The following KCNMB2 variants were observed in gnomAD, a reference collection of about 807,000 sequenced individuals.
The protein encoded by KCNMB2 is potassium calcium-activated channel subfamily M regulatory beta subunit 2.
Under a neutral mutation model 24.5 loss-of-function variants are expected in KCNMB2, and 9 were observed. The observed-to-expected ratio is 0.37, with a 90% confidence interval of 0.22 to 0.64. The LOEUF (loss-of-function observed/expected upper bound fraction) is 0.64. Among genes scored for constraint, KCNMB2 ranks in the 30% least tolerant of loss-of-function variants. The probability of loss-of-function intolerance (pLI) is 0.63; values close to 1 mark genes in which losing one functional copy is unlikely to be tolerated. For missense variants in KCNMB2, 226 were observed against 284.3 expected, an observed-to-expected ratio of 0.79 and a Z score of 1.47; for synonymous variants, 109 against 104.4, an observed-to-expected ratio of 1.04 and a Z score of -0.27.
rs28583386 is a variant in KCNMB2 at position 178,657,935 on chromosome 3, C to T, written c.-68+121224C>T. Among the ~76,000 whole-genome samples the T allele has an allele frequency of 7.1e-3, 1,086 of 152,318 alleles. 12 individuals are homozygous for T. Among genetic ancestry groups the T allele is most frequent in the African/African-American group, 0.024 (1,014 of 41,566 alleles). On this transcript the variant is annotated intron_variant, in intron 1 of 4. Coordinates refer to ENST00000452583, the MANE Select transcript of KCNMB2 (RefSeq NM_181361.3). ...AAAGAAAGCAATGCATCCTAATGAC[C>T]TAATTGCTTCTTAAATGAACCACCT...
intron 1 of KCNMB2, among the ~76,000 whole-genome samples, chr3:178,585,677 G>A (rs1415921898): frequency 6.6e-6 from 1 of 152,202 alleles, no homozygotes; most frequent in Non-Finnish European, 1.5e-5. Context: ...ACGGTGGGCT[G>A]ACTTGGGCTT....
At chr3:178,703,128 A>G (rs1248160668) in intron 1 of KCNMB2, among the ~76,000 whole-genome samples, 1 of 152,202 alleles carries the variant, frequency 6.6e-6, no homozygotes, top group Non-Finnish European at 1.5e-5. Flanking sequence ...CAGTAAATAA[A>G]CAAAAAGGAG....
intron 1 of KCNMB2, among the ~76,000 whole-genome samples, chr3:178,542,123 C>T (rs921375579): frequency 5.9e-5 from 9 of 152,214 alleles, no homozygotes; most frequent in African/African-American, 2.2e-4. Context: ...ATTGATCCAT[C>T]TGTAAGGGCG....
rs1323180176 is a variant in KCNMB2 at position 178,597,778 on chromosome 3, G to A, written c.-68+61067G>A. On this transcript the variant is annotated intron_variant, in intron 1 of 4. Transcript: ENST00000452583. ...TCCAAACTACCGTGGGTTGTGTTTG[G>A]CAAGCTTATAGGCAAGATATTTAGA... Among the ~76,000 whole-genome samples, 5 of 152,178 alleles carry A rather than the reference G, an allele frequency of 3.3e-5. No individual in the cohort carries two copies. The South Asian group carries it at 8.3e-4, about 25-fold the overall frequency.
At chr3:178,794,153 C>A (rs1033310878) in intron 1 of KCNMB2, among the ~76,000 whole-genome samples, 4 of 152,152 alleles carry the variant, frequency 2.6e-5, no homozygotes, top group Admixed American at 1.3e-4. Flanking sequence ...CAGAACACCA[C>A]CAACAACAGG....
chr3:178,590,250 C>T (rs560615717), intron 1 of KCNMB2, among the ~76,000 whole-genome samples: 86 of 152,132 alleles, frequency 5.7e-4, no homozygotes, highest in Admixed American at 2.0e-3. Flanking sequence ...GGAGGGAGAA[C>T]GGGTTTTTGC....
chr3:178,782,602 T>C (rs1162993586), intron 1 of KCNMB2, among the ~76,000 whole-genome samples: 1 of 147,124 alleles, frequency 6.8e-6, no homozygotes. Flanking sequence ...TTGAGAAGTG[T>C]CTGTTCATGT....
At chr3:178,799,905 T>TA (rs1713710170) in intron 1 of KCNMB2, among the ~76,000 whole-genome samples, 1 of 152,068 alleles carries the variant, frequency 6.6e-6, no homozygotes, top group Admixed American at 6.6e-5. Flanking sequence ...TCAACAAAGG[T>TA]AGCAAGAACA....
intron 1 of KCNMB2, among the ~76,000 whole-genome samples, chr3:178,643,058 C>G (rs982474906): frequency 3.9e-5 from 6 of 152,186 alleles, no homozygotes; most frequent in African/African-American, 1.4e-4. Flanking sequence ...TACACAATAG[C>G]ATAGAATACA....
intron 1 of KCNMB2, among the ~76,000 whole-genome samples, chr3:178,718,030 C>A (rs1370429501): frequency 6.6e-6 from 1 of 152,140 alleles, no homozygotes; most frequent in Non-Finnish European, 1.5e-5. Context: ...AATAAGTGGA[C>A]ATGACTTATC....
At chr3:178,753,086 A>G (rs1189922000) in intron 1 of KCNMB2, among the ~76,000 whole-genome samples, 1 of 152,194 alleles carries the variant, frequency 6.6e-6, no homozygotes, top group Non-Finnish European at 1.5e-5. Flanking sequence ...TGCTCTCTGC[A>G]TGTTATTGAG....
chr3:178,568,854 TGATAGATA>T lies in KCNMB2; in HGVS notation c.-68+32183_-68+32190del, dbSNP rs5854811. On this transcript the variant is annotated intron_variant, in intron 1 of 4. Coordinates refer to ENST00000452583, the MANE Select transcript of KCNMB2 (RefSeq NM_181361.3). ...GATGATAGATAGATAGATAGATAGATGATAGATAGATAGATAGATAGATAGATAGATAG... is the reference window on the plus strand; with the variant it reads ...GATGATAGATAGATAGATAGATAGATGATAGATAGATAGATAGATAGATAG... Among the ~76,000 whole-genome samples the T allele has an allele frequency of 4.5e-4, 36 of 80,732 alleles. No homozygotes were observed. The East Asian group carries it at 4.8e-3, about 11-fold the overall frequency. 53.0% of individuals were successfully genotyped at this position (80,732 alleles called of 152,430 possible). A position where few individuals can be genotyped will look rare whatever the true frequency, so the allele number is the denominator to read the frequency against.
intron 1 of KCNMB2, among the ~76,000 whole-genome samples, chr3:178,568,049 AG>A (rs1716589990): frequency 6.6e-6 from 1 of 152,222 alleles, no homozygotes; most frequent in Non-Finnish European, 1.5e-5. Flanking sequence ...GTGTGATTAA[AG>A]GTCCCTTTCA....
At chr3:178,830,399 A>G (rs1715010046) in intron 4 of KCNMB2, among the ~76,000 whole-genome samples, 1 of 152,128 alleles carries the variant, frequency 6.6e-6, no homozygotes, top group Non-Finnish European at 1.5e-5. Context: ...GGACTACTAC[A>G]AGTAATTCTA....
At chr3:178,617,787 A>T (rs1466232850) in intron 1 of KCNMB2, among the ~76,000 whole-genome samples, 1 of 150,188 alleles carries the variant, frequency 6.7e-6, no homozygotes, top group Non-Finnish European at 1.5e-5. Context: ...GCTACTCTGG[A>T]GCCTGAGGCA....
intron 4 of KCNMB2, among the ~76,000 whole-genome samples, chr3:178,840,331 G>T (rs1165627493): frequency 6.6e-6 from 1 of 152,196 alleles, no homozygotes; most frequent in Non-Finnish European, 1.5e-5. Context: ...CTGGCTCTGA[G>T]TGCCTGCAGC....
chr3:178,778,501 C>CACACACA (rs914905947), intron 1 of KCNMB2, among the ~76,000 whole-genome samples: 9 of 143,086 alleles, frequency 6.3e-5, no homozygotes, highest in Admixed American at 2.8e-4. Flanking sequence ...CACACACACA[C>CACACACA]ACCTGTTCCA....
At chr3:178,615,748 C>A (rs1718682512) in intron 1 of KCNMB2, among the ~76,000 whole-genome samples, 1 of 152,190 alleles carries the variant, frequency 6.6e-6, no homozygotes, top group Admixed American at 6.5e-5. Context: ...AACCCAAAAG[C>A]CCACTTGATG....
chr3:178,690,736 T>A (rs1047134110), intron 1 of KCNMB2, among the ~76,000 whole-genome samples: 4 of 152,186 alleles, frequency 2.6e-5, no homozygotes, highest in Non-Finnish European at 5.9e-5. Flanking sequence ...ATCAATGCAG[T>A]CAGATTCAGC....
Sources: gnomAD v4.1 joint callset for allele counts (sites outside exome capture counted in the v4.1 genomes callset) on GRCh38, gnomAD v4.1.1 for gene constraint, MANE v1.5 for transcripts, NCBI Gene and HGNC (gene_info 2026-07-23, HGNC 2026-07-21) for gene names.